H2AC8: variants seen among roughly 807,000 people sequenced by gnomAD.
H2AC8 encodes histone H2A type 1-B/E.
A neutral mutation model predicts 6.3 loss-of-function variants in H2AC8; 9 were observed. The observed-to-expected ratio is 1.43, with a 90% confidence interval of 0.86 to 2.49. The LOEUF (loss-of-function observed/expected upper bound fraction) is 2.49. H2AC8 is among the 30% of genes most tolerant of loss of function. The probability of loss-of-function intolerance (pLI) is 0.00; values close to 1 mark genes in which losing one functional copy is unlikely to be tolerated. For synonymous variants in H2AC8, 176 were observed against 79.6 expected, an observed-to-expected ratio of 2.21 and a Z score of -6.45; for missense variants, 141 against 177.5, an observed-to-expected ratio of 0.79 and a Z score of 1.17.
exon 1 of H2AC8, chr6:26,216,996 G>A (rs759984265): frequency 7.4e-6 from 12 of 1,614,086 alleles, no homozygotes; most frequent in South Asian, 3.3e-5. Context: ...TGGAAAGCAA[G>A]GCGGCAAAGC....
exon 1 of H2AC8, chr6:26,217,241 C>T (rs756236567): frequency 1.2e-6 from 2 of 1,614,238 alleles, no homozygotes; most frequent in South Asian, 1.1e-5. Flanking sequence ...TAGCCATCCG[C>T]AACGACGAGG....
Position 26,217,083 on chromosome 6 carries a change from A to AT in H2AC8, c.109_110insT (p.Lys37IlefsTer39). The AT allele has an allele frequency of 6.2e-7, 1 of 1,614,192 alleles. No homozygotes were observed. ...TGGCCGTGTGCACCGCCTCCTCCGC[A>AT]AAGGCAACTACTCCGAACGAGTCGG... On this transcript the variant is annotated frameshift_variant, in exon 1 of 1. Coordinates refer to ENST00000303910, the Ensembl canonical transcript of H2AC8. LOFTEE classifies it high-confidence loss of function.
chr6:26,217,115 C>T (rs150842979), exon 1 of H2AC8: 32 of 1,614,218 alleles, frequency 2.0e-5, no homozygotes, highest in Admixed American at 1.0e-4. Context: ...TCGGGGCCGG[C>T]GCTCCAGTGT....
rs765683880 is a variant in H2AC8, at chr6:26,217,390, C to T, written c.*23C>T. ...TGAAATGATTACTAGTCAAATCCGT[C>T]AGTGATCCCGAGTCCCAGAAACCAA... is the stretch of plus-strand genomic sequence containing the variant. On this transcript the variant is annotated 3_prime_UTR_variant, in exon 1 of 1. Coordinates refer to ENST00000303910, the Ensembl canonical transcript of H2AC8. The T allele has an allele frequency of 5.0e-6, 8 of 1,600,300 alleles. No homozygotes were observed. In the African/African-American group the frequency reaches 5.4e-5, roughly 11 times the overall value.
exon 1 of H2AC8, chr6:26,217,334 G>A (rs1445364916): frequency 3.1e-6 from 5 of 1,614,040 alleles, no homozygotes; most frequent in Non-Finnish European, 2.5e-6. Context: ...TGCCTAAGAA[G>A]ACGGAGAGCC....
At chr6:26,217,329 A>G in exon 1 of H2AC8, 1 of 1,614,156 alleles carries the variant, frequency 6.2e-7, no homozygotes, top group Non-Finnish European at 8.5e-7. Context: ...ATTGCTGCCT[A>G]AGAAGACGGA....
exon 1 of H2AC8, chr6:26,217,310 C>T (rs1426994353): frequency 6.2e-7 from 1 of 1,614,188 alleles, no homozygotes; most frequent in Non-Finnish European, 8.5e-7. Context: ...TGCCCAACAT[C>T]CAGGCCGTAT....
exon 1 of H2AC8, chr6:26,217,032 T>A: frequency 1.2e-6 from 2 of 1,614,178 alleles, no homozygotes; most frequent in Non-Finnish European, 1.7e-6. Context: ...AACGCGTTCT[T>A]CCAGGGCCGG....
At chr6:26,216,976 T>C (rs143464442) in exon 1 of H2AC8, 2 of 1,614,048 alleles carry the variant, frequency 1.2e-6, no homozygotes, top group Non-Finnish European at 1.7e-6. Context: ...GAAGCCACTA[T>C]GTCTGGACGT....
exon 1 of H2AC8, chr6:26,217,006 C>T (rs560072492): frequency 4.3e-6 from 7 of 1,614,058 alleles, no homozygotes; most frequent in South Asian, 2.2e-5. Context: ...GGCGGCAAAG[C>T]TCGGGCAAAA....
rs755559836 is a variant in H2AC8 at position 26,217,372 on chromosome 6, A to G, written c.*5A>G. On this transcript the variant is annotated 3_prime_UTR_variant, in exon 1 of 1. Coordinates refer to ENST00000303910, the Ensembl canonical transcript of H2AC8. ...CATAAGGCCAAGGGCAAGTGAAATG[A>G]TTACTAGTCAAATCCGTCAGTGATC... The G allele has an allele frequency of 5.6e-6, 9 of 1,609,582 alleles. No individual in the cohort carries two copies. The Admixed American group carries it at 1.0e-4, about 18-fold the overall frequency.
exon 1 of H2AC8, chr6:26,217,007 T>G: frequency 6.2e-7 from 1 of 1,614,134 alleles, no homozygotes; most frequent in South Asian, 1.1e-5. Flanking sequence ...GCGGCAAAGC[T>G]CGGGCAAAAG....
exon 1 of H2AC8, chr6:26,217,129 T>A: frequency 6.2e-7 from 1 of 1,614,166 alleles, no homozygotes; most frequent in Non-Finnish European, 8.5e-7. Flanking sequence ...CCAGTGTACC[T>A]GGCAGCGGTG....
chr6:26,217,143 G>A, exon 1 of H2AC8: 1 of 1,614,206 alleles, frequency 6.2e-7, no homozygotes, highest in Non-Finnish European at 8.5e-7. Context: ...AGCGGTGCTG[G>A]AATATCTGAC....
At chr6:26,217,421 CTT>C in exon 1 of H2AC8, 1 of 1,566,624 alleles carries the variant, frequency 6.4e-7, no homozygotes, top group Non-Finnish European at 8.7e-7. Flanking sequence ...ACCAAAGGCT[CTT>C]TTCAGAGCCA....
At chr6:26,217,154 G>C (rs373465240) in exon 1 of H2AC8, 1 of 1,614,048 alleles carries the variant, frequency 6.2e-7, no homozygotes, top group African/African-American at 1.3e-5. Flanking sequence ...AATATCTGAC[G>C]GCCGAGATCT....
At chr6:26,217,424 T>C (rs1313208895) in exon 1 of H2AC8, 4 of 1,561,384 alleles carry the variant, frequency 2.6e-6, no homozygotes, top group Non-Finnish European at 3.5e-6. Context: ...AAAGGCTCTT[T>C]TCAGAGCCAC....
At chr6:26,217,135 C>T (rs1765429279) in exon 1 of H2AC8, 1 of 1,614,128 alleles carries the variant, frequency 6.2e-7, no homozygotes, top group Non-Finnish European at 8.5e-7. Flanking sequence ...TACCTGGCAG[C>T]GGTGCTGGAA....
upstream of H2AC8, chr6:26,216,923 T>C: frequency 1.9e-6 from 3 of 1,597,700 alleles, no homozygotes; most frequent in Non-Finnish European, 1.7e-6. Flanking sequence ...TCGAGCCCAT[T>C]CTTTTTCTTT....
Sources: gnomAD v4.1 joint callset for allele counts on GRCh38, gnomAD v4.1.1 for gene constraint, MANE v1.5 for transcripts, NCBI Gene and HGNC (gene_info 2026-07-23, HGNC 2026-07-21) for gene names.